Variants in ZNF678 observed in about 807,000 individuals in gnomAD.
ZNF678 encodes hypothetical protein MGC42493.
ZNF678 carries 5 observed loss-of-function variants against 3.0 expected under a neutral mutation model. The observed-to-expected ratio is 1.69, with a 90% confidence interval of 0.88 to 3.56. ZNF678 has a LOEUF of 3.56. Among genes scored for constraint, ZNF678 ranks in the 30% most tolerant of loss-of-function variants. ZNF678 has a pLI of 0.00. For synonymous variants in ZNF678, 218 were observed against 199.6 expected, an observed-to-expected ratio of 1.09 and a Z score of -0.78; for missense variants, 593 against 605.0, an observed-to-expected ratio of 0.98 and a Z score of 0.21.
chr1:227,589,643 A>T (rs1657356940), intron 1 of ZNF678, among the ~76,000 whole-genome samples: 1 of 151,692 alleles, frequency 6.6e-6, no homozygotes, highest in Non-Finnish European at 1.5e-5. Context: ...CAATTGAGCA[A>T]GCAGGGGGTG....
chr1:227,568,791 G>A (rs1656763042), intron 1 of ZNF678, among the ~76,000 whole-genome samples: 1 of 152,194 alleles, frequency 6.6e-6, no homozygotes, highest in Admixed American at 6.5e-5. Flanking sequence ...GGCCTTGCAA[G>A]GTCTGTGCAA....
intron 1 of ZNF678, among the ~76,000 whole-genome samples, chr1:227,607,756 TTTA>T (rs1657912314): frequency 6.8e-6 from 1 of 146,294 alleles, no homozygotes; most frequent in South Asian, 2.2e-4. Flanking sequence ...ATAATATACA[TTTA>T]TTATATATTG....
intron 1 of ZNF678, among the ~76,000 whole-genome samples, chr1:227,613,640 A>G (rs915485651): frequency 6.6e-6 from 1 of 152,230 alleles, no homozygotes. Flanking sequence ...ACTCACAAAC[A>G]GATATACCCC....
chr1:227,662,859 C>G (rs1015623588), downstream of ZNF678, among the ~76,000 whole-genome samples: 6 of 152,182 alleles, frequency 3.9e-5, no homozygotes, highest in African/African-American at 1.4e-4. Context: ...TTACCCCTTT[C>G]TGCAGGTGAT....
At chr1:227,647,585 C>T (rs1658989950) in intron 2 of ZNF678, among the ~76,000 whole-genome samples, 1 of 152,092 alleles carries the variant, frequency 6.6e-6, no homozygotes, top group African/African-American at 2.4e-5. Flanking sequence ...GTTAGAGGCC[C>T]AAATGTCAAG....
chr1:227,586,812 T>G (rs1447265517), intron 1 of ZNF678, among the ~76,000 whole-genome samples: 2 of 152,196 alleles, frequency 1.3e-5, no homozygotes, highest in Non-Finnish European at 2.9e-5. Flanking sequence ...GTCATATTCT[T>G]AACCCTAATA....
chr1:227,669,739 T>C (rs745409541), intron 5 of ZNF678, among the ~76,000 whole-genome samples: 46 of 151,390 alleles, frequency 3.0e-4, no homozygotes, highest in Non-Finnish European at 6.2e-4. Context: ...AAAAAACCCA[T>C]ACCCCGTTGG....
chr1:227,580,291 G>T (rs1657092361), intron 1 of ZNF678, among the ~76,000 whole-genome samples: 1 of 151,916 alleles, frequency 6.6e-6, no homozygotes, highest in South Asian at 2.1e-4. Context: ...TGTTCTACCT[G>T]GCTGCATCTA....
chr1:227,661,874 C>T lies in ZNF678; in HGVS notation c.*6046C>T, dbSNP rs1659414709. The T allele has an allele frequency of 6.6e-6, 1 of 152,216 alleles. No individual in the cohort carries two copies. Among genetic ancestry groups the T allele is most frequent in the Admixed American group, 6.5e-5 (1 of 15,272 alleles). 9.4% of individuals were successfully genotyped at this position (152,216 alleles called of 1,614,324 possible). ...GAACCCACCAGGATCTCCCTTCTCC[C>T]TAGCCTGGTGGTCCACATCATGCAG... On this transcript the variant is annotated 3_prime_UTR_variant, in exon 4 of 4. Transcript: ENST00000343776.
intron 2 of ZNF678, among the ~76,000 whole-genome samples, chr1:227,646,999 C>T (rs553362486): frequency 3.3e-5 from 5 of 152,080 alleles, no homozygotes; most frequent in Non-Finnish European, 7.4e-5. Flanking sequence ...AGCTGAGAAC[C>T]TATATGTTTT....
At chr1:227,573,120 A>G (rs960257889) in intron 1 of ZNF678, among the ~76,000 whole-genome samples, 10 of 151,782 alleles carry the variant, frequency 6.6e-5, no homozygotes, top group South Asian at 2.1e-4. Flanking sequence ...CAAGAAGGCA[A>G]TCAGGGAGTG....
downstream of ZNF678, among the ~76,000 whole-genome samples, chr1:227,678,191 G>A (rs1018005153): frequency 1.3e-5 from 2 of 152,160 alleles, no homozygotes; most frequent in African/African-American, 4.8e-5. Flanking sequence ...ATAAACGCCT[G>A]GGTCGAATTG....
rs1048274926 is a variant in ZNF678 at position 227,661,902 on chromosome 1, T to G, written c.*6074T>G. The G allele has an allele frequency of 6.6e-6, 1 of 152,152 alleles. No individual in the cohort carries two copies. Among genetic ancestry groups the G allele is most frequent in the African/African-American group, 2.4e-5 (1 of 41,424 alleles). 9.4% of individuals were successfully genotyped at this position (152,152 alleles called of 1,614,324 possible). On this transcript the variant is annotated 3_prime_UTR_variant, in exon 4 of 4. Coordinates refer to ENST00000343776, the MANE Select transcript of ZNF678 (RefSeq NM_001367909.1). Reference sequence around the variant, plus strand: ...GCCTGGTGGTCCACATCATGCAGATTTACTCTAGATTCAGCTTAGACTCAT... The same window carrying G: ...GCCTGGTGGTCCACATCATGCAGATGTACTCTAGATTCAGCTTAGACTCAT...
intron 5 of ZNF678, among the ~76,000 whole-genome samples, chr1:227,669,412 G>T (rs1326764664): frequency 6.6e-6 from 1 of 151,984 alleles, no homozygotes. Context: ...CGAGGCGGGT[G>T]GATCACGAGG....
intron 1 of ZNF678, among the ~76,000 whole-genome samples, chr1:227,569,024 G>T (rs1656768534): frequency 6.6e-6 from 1 of 152,236 alleles, no homozygotes; most frequent in South Asian, 2.1e-4. Context: ...GATGAGAGGG[G>T]ACTGAGGACT....
chr1:227,663,742 C>G (rs897874577), downstream of ZNF678, among the ~76,000 whole-genome samples: 1 of 152,206 alleles, frequency 6.6e-6, no homozygotes, highest in Non-Finnish European at 1.5e-5. Flanking sequence ...CCATTTAGGA[C>G]TCATGAAAGC....
chr1:227,596,514 C>CT (rs1322504555), intron 1 of ZNF678, among the ~76,000 whole-genome samples: 5 of 152,184 alleles, frequency 3.3e-5, no homozygotes, highest in Non-Finnish European at 5.9e-5. Context: ...GGTCAGGTGT[C>CT]TATCTTTAAC....
chr1:227,655,446 A>G lies in ZNF678; in HGVS notation c.1196A>G (p.His399Arg), dbSNP rs1396355340. ...FSSLTQHRRIHTGVKPYKCEE... is the reference protein window; with the variant it reads ...FSSLTQHRRIRTGVKPYKCEE... ...AGCCTTACTCAACATAGGAGAATTC[A>G]TACTGGAGTGAAACCCTACAAATGT... Residue 399 changes from histidine to arginine, a missense_variant, in exon 4 of 4, where the codon CAT (histidine) becomes CGT (arginine). By Grantham distance (29) the His-to-Arg change is conservative (BLOSUM62 0). Transcript: ENST00000343776. 6.2e-7 allele frequency: 1 copy of G among 1,612,726 alleles called. No homozygotes were observed. The highest frequency in any genetic ancestry group is 1.7e-5 in the Admixed American group (1 of 59,828).
intron 2 of ZNF678, among the ~76,000 whole-genome samples, chr1:227,649,369 A>C (rs1199900389): frequency 6.6e-6 from 1 of 152,202 alleles, no homozygotes; most frequent in Non-Finnish European, 1.5e-5. Flanking sequence ...GTTGTGTTTG[A>C]GATGGAGTTT....
Sources: allele counts gnomAD v4.1 joint callset (sites outside exome capture counted in the v4.1 genomes callset), GRCh38; gene constraint gnomAD v4.1.1; transcripts MANE v1.5; gene names NCBI Gene and HGNC (gene_info 2026-07-23, HGNC 2026-07-21).